Variants in RAMP3 observed in about 807,000 individuals in gnomAD.
RAMP3 encodes receptor activity modifying protein 3, also known as receptor activity-modifying protein 3.
A neutral mutation model predicts 13.5 loss-of-function variants in RAMP3; 14 were observed. The observed-to-expected ratio is 1.04, with a 90% CI of 0.69 to 1.63. The LOEUF (loss-of-function observed/expected upper bound fraction) is 1.63. Ranked by LOEUF, RAMP3 falls within the 40% of genes most tolerant of loss-of-function variation. The pLI is 0.00. For synonymous variants in RAMP3, 106 were observed against 88.3 expected (o/e 1.20, Z -1.12); for missense variants, 200 against 204.8 (o/e 0.98, Z 0.14).
At chr7:45,177,504 T>C in intron 2 of RAMP3, 63 bp downstream of exon 2, 1 of 1,605,296 alleles carries the variant, frequency 6.2e-7, no homozygotes, top group Non-Finnish European at 8.5e-7. Flanking sequence ...GCCCAACCAC[T>C]GCCTGACCAC....
chr7:45,169,901 T>C (rs544615586), intron 1 of RAMP3, among the ~76,000 whole-genome samples: 1 of 152,364 alleles, frequency 6.6e-6, no homozygotes, highest in African/African-American at 2.4e-5. Context: ...TCAATATATC[T>C]TTTTTAGGGG....
At chr7:45,162,844 G>A (rs2128655252) in intron 1 of RAMP3, among the ~76,000 whole-genome samples, 1 of 152,310 alleles carries the variant, frequency 6.6e-6, no homozygotes, top group East Asian at 1.9e-4. Flanking sequence ...CAGAGCCGAG[G>A]TGAGCACCTA....
chr7:45,177,572 G>T, intron 2 of RAMP3, 131 bp downstream of exon 2: 1 of 1,323,716 alleles, frequency 7.6e-7, no homozygotes, highest in Non-Finnish European at 1.0e-6. Flanking sequence ...CCCACCGTAG[G>T]CCACCCACAG....
intron 1 of RAMP3, among the ~76,000 whole-genome samples, chr7:45,161,573 C>T (rs549434095): frequency 2.0e-5 from 3 of 150,670 alleles, no homozygotes; most frequent in Admixed American, 6.6e-5. Flanking sequence ...GGCAGTGGTT[C>T]AGATTCATTC....
intron 1 of RAMP3, among the ~76,000 whole-genome samples, chr7:45,160,623 G>T (rs1403742276): frequency 1.3e-5 from 2 of 152,102 alleles, no homozygotes; most frequent in Non-Finnish European, 2.9e-5. Flanking sequence ...CTGTCAAGGA[G>T]GGGGAGAGCG....
chr7:45,160,058 T>C (rs79215262), intron 1 of RAMP3, among the ~76,000 whole-genome samples: 2,433 of 151,880 alleles, frequency 0.016, 64 homozygotes, highest in African/African-American at 0.056. Context: ...GCCGGCCGGG[T>C]GCGGTGGCTC....
intron 1 of RAMP3, among the ~76,000 whole-genome samples, chr7:45,166,900 C>T (rs1013394888): frequency 1.3e-4 from 20 of 149,820 alleles, no homozygotes; most frequent in African/African-American, 4.5e-4. Flanking sequence ...CTCAGCCTCC[C>T]GAATAGCTGG....
intron 1 of RAMP3, among the ~76,000 whole-genome samples, chr7:45,158,473 A>C (rs910498599): frequency 6.6e-6 from 1 of 152,108 alleles, no homozygotes; most frequent in Admixed American, 6.5e-5. Flanking sequence ...AGAAATCAGG[A>C]CTCTAGGAAG....
chr7:45,182,554 C>T (rs570320668), intron 2 of RAMP3, among the ~76,000 whole-genome samples: 151 of 152,282 alleles, frequency 9.9e-4, no homozygotes, highest in African/African-American at 3.4e-3. Flanking sequence ...ATCTCATGGA[C>T]AGGGGGACCC....
At chr7:45,164,451 C>G (rs1785920841) in intron 1 of RAMP3, among the ~76,000 whole-genome samples, 1 of 152,142 alleles carries the variant, frequency 6.6e-6, no homozygotes, top group South Asian at 2.1e-4. Flanking sequence ...GGGAGGATTG[C>G]TCAAGCCCAG....
intron 1 of RAMP3, among the ~76,000 whole-genome samples, chr7:45,165,733 T>C (rs1037940456): frequency 9.9e-5 from 15 of 152,218 alleles, no homozygotes; most frequent in African/African-American, 3.6e-4. Flanking sequence ...ATCACTAATA[T>C]GTTTTCTGTC....
chr7:45,163,918 C>T, intron 1 of RAMP3: 1 of 982,300 alleles, frequency 1.0e-6, no homozygotes. Flanking sequence ...GATGCTTGCC[C>T]AGGATTCCAT....
intron 1 of RAMP3, among the ~76,000 whole-genome samples, chr7:45,164,172 C>A (rs1785916061): frequency 6.6e-6 from 1 of 152,200 alleles, no homozygotes; most frequent in African/African-American, 2.4e-5. Context: ...GCCCTGGACA[C>A]CTCTGTTCCT....
chr7:45,182,838 G>A (rs1056680986), intron 2 of RAMP3, among the ~76,000 whole-genome samples: 4 of 152,180 alleles, frequency 2.6e-5, no homozygotes, highest in Non-Finnish European at 2.9e-5. Context: ...AGCATGGCTT[G>A]GTGTGTCCTC....
intron 1 of RAMP3, among the ~76,000 whole-genome samples, chr7:45,170,628 C>T (rs28844643): frequency 0.26 from 39,817 of 151,332 alleles, 6,293 homozygotes; most frequent in African/African-American, 0.44. Context: ...TGAGCCTCTG[C>T]GCCCGGCCTT....
At chr7:45,167,282 G>C (rs1454786728) in intron 1 of RAMP3, among the ~76,000 whole-genome samples, 2 of 152,006 alleles carry the variant, frequency 1.3e-5, no homozygotes, top group South Asian at 2.1e-4. Context: ...GTTAATTTTC[G>C]TGTATGAGGT....
chr7:45,172,825 G>T (rs949207195), intron 1 of RAMP3, among the ~76,000 whole-genome samples: 1 of 152,102 alleles, frequency 6.6e-6, no homozygotes, highest in African/African-American at 2.4e-5. Context: ...CTCCTGCGGG[G>T]GCCTGTCCAT....
At chr7:45,168,396 ACT>A (rs900533272) in intron 1 of RAMP3, among the ~76,000 whole-genome samples, 1 of 85,154 alleles carries the variant, frequency 1.2e-5, no homozygotes, top group Non-Finnish European at 2.1e-5. Flanking sequence ...ACAGAGTGAG[ACT>A]CTGTTTCCAA....
intron 2 of RAMP3, 111 bp from the exon 3 acceptor site, chr7:45,183,046 G>A: frequency 5.5e-6 from 8 of 1,448,582 alleles, no homozygotes; most frequent in Non-Finnish European, 7.5e-6. Context: ...GTGAATAGGT[G>A]GCCAAATGGG....
Sources: allele counts gnomAD v4.1 joint callset (sites outside exome capture counted in the v4.1 genomes callset), GRCh38; gene constraint gnomAD v4.1.1; transcripts MANE v1.5; gene names NCBI Gene and HGNC (gene_info 2026-07-23, HGNC 2026-07-21).